TMPRSS6: variants seen among roughly 807,000 people sequenced by gnomAD.
TMPRSS6 encodes transmembrane protease serine 6.
A neutral mutation model predicts 101.5 loss-of-function variants in TMPRSS6; 67 were observed. The observed-to-expected ratio is 0.66, with a 90% confidence interval of 0.54 to 0.81. The LOEUF is 0.81. TMPRSS6 is among the 30% of genes least tolerant of loss of function. TMPRSS6 has a pLI of 0.00. For missense variants in TMPRSS6, 1,034 were observed against 1,088.7 expected (o/e 0.95, Z 0.71); for synonymous variants, 453 against 464.9 (o/e 0.97, Z 0.33).
chr22:37,084,856 G>C lies in TMPRSS6; in HGVS notation c.974-17C>G. 1 of 1,547,526 alleles carries C rather than the reference G, an allele frequency of 6.5e-7. No individual in the cohort carries two copies. Among genetic ancestry groups the C allele is most frequent in the South Asian group, 1.2e-5 (1 of 84,022 alleles). On this transcript the variant is annotated splice_polypyrimidine_tract_variant and intron_variant, in intron 8 of 17. Coordinates refer to ENST00000676104, the MANE Select transcript of TMPRSS6 (RefSeq NM_001374504.1). ...CTTCACAGGCTGGACCAGGAGAGCAGCTGTTACACAGGGGTCCCCTGGCTG... is the reference window on the plus strand; with the variant it reads ...CTTCACAGGCTGGACCAGGAGAGCACCTGTTACACAGGGGTCCCCTGGCTG...
chr22:37,108,551 G>A lies in TMPRSS6; in HGVS notation c.-2+952C>T, dbSNP rs183969085. 4.5e-4 allele frequency among the ~76,000 whole-genome samples: 69 copies of A among 152,296 alleles called. 1 individual carries two copies. The highest frequency in any genetic ancestry group is 1.6e-3 in the African/African-American group (65 of 41,554). On this transcript the variant is annotated intron_variant, in intron 1 of 17. Coordinates refer to ENST00000676104, the MANE Select transcript of TMPRSS6 (RefSeq NM_001374504.1). Reference sequence around the variant, plus strand: ...GCCCTTCTGGCCATTGGAGGGTCTCGGGTCTGCCTGCTGGAGGCTGAGCTC... The same window carrying A: ...GCCCTTCTGGCCATTGGAGGGTCTCAGGTCTGCCTGCTGGAGGCTGAGCTC...
intron 16 of TMPRSS6, 147 bp from the exon 17 acceptor site, chr22:37,067,109 C>T: frequency 8.5e-7 from 1 of 1,173,344 alleles, no homozygotes; most frequent in South Asian, 1.3e-5. Flanking sequence ...GCACCTGCCC[C>T]TCTGCCTCCC....
chr22:37,080,687 G>T (rs1307263559), intron 10 of TMPRSS6, among the ~76,000 whole-genome samples: 1 of 152,238 alleles, frequency 6.6e-6, no homozygotes, highest in Non-Finnish European at 1.5e-5. Context: ...AGGAGTCTGC[G>T]GGGAGGGGAC....
chr22:37,078,957 GAGAAAGAAAGAAAGAA>G (rs1358534817), intron 10 of TMPRSS6, among the ~76,000 whole-genome samples: 2,010 of 102,956 alleles, frequency 0.02, 13 homozygotes, highest in Non-Finnish European at 0.03. Flanking sequence ...AGGAGAAAAA[GAGAAAGAAAGAAAGAA>G]AAAGAAAGAA....
At chr22:37,071,195 C>T (rs139512621) in intron 13 of TMPRSS6, among the ~76,000 whole-genome samples, 163 bp from the exon 14 acceptor site, 115 of 151,878 alleles carry the variant, frequency 7.6e-4, no homozygotes, top group African/African-American at 2.5e-3. Context: ...CAGGCCATGT[C>T]CCCCCGCCCC....
Position 37,078,973 on chromosome 22 carries a change from A to AAAAG in TMPRSS6, c.1197-3697_1197-3694dup, listed in dbSNP as rs71193296. ...GGAGAAAAAGAGAAAGAAAGAAAGAAAAAGAAAGAAAGAAAGAAAGAAAGA... is the reference window on the plus strand; with the variant it reads ...GGAGAAAAAGAGAAAGAAAGAAAGAAAAAGAAAGAAAGAAAGAAAGAAAGAAAGA... On this transcript the variant is annotated intron_variant, in intron 10 of 17. Transcript: ENST00000676104. 7.4e-3 allele frequency among the ~76,000 whole-genome samples: 793 copies of AAAAG among 106,568 alleles called. 12 individuals carry two copies. Among genetic ancestry groups the AAAAG allele is most frequent in the Middle Eastern group, 0.012 (3 of 246 alleles). The allele number at this position is 106,568 out of a possible 152,430, so 69.9% of individuals were successfully genotyped here.
intron 3 of TMPRSS6, 92 bp from the exon 4 acceptor site, chr22:37,096,807 G>A (rs1929806491): frequency 2.4e-6 from 3 of 1,252,468 alleles, no homozygotes; most frequent in Admixed American, 2.0e-5. Flanking sequence ...CCTACTGGCA[G>A]CCCCGCTCCA....
At chr22:37,071,698 TGTTGGTCA>T (rs1201290378) in intron 13 of TMPRSS6, among the ~76,000 whole-genome samples, 10 of 152,182 alleles carry the variant, frequency 6.6e-5, no homozygotes, top group African/African-American at 1.9e-4. Context: ...AGCCTGCAAG[TGTTGGTCA>T]GTTGGTCAGT....
rs1930314416 is a variant in TMPRSS6, at chr22:37,101,570, C to T, written c.202+1646G>A. Among the ~76,000 whole-genome samples, 1 of 152,082 alleles carries T rather than the reference C, an allele frequency of 6.6e-6. No homozygotes were observed. The highest frequency in any genetic ancestry group is 2.4e-5 in the African/African-American group (1 of 41,390). On this transcript the variant is annotated intron_variant, in intron 2 of 17. Coordinates refer to ENST00000676104, the MANE Select transcript of TMPRSS6 (RefSeq NM_001374504.1). This position sits in a 1 kb window ranked among gnomAD's most constrained non-coding sequence, Gnocchi z 4.1. ...TGCCCAGCGCCCAGTCCCAGGAGCACAGCCTGGTCAAGGCGGGAGGAGTCT... is the reference window on the plus strand; with the variant it reads ...TGCCCAGCGCCCAGTCCCAGGAGCATAGCCTGGTCAAGGCGGGAGGAGTCT...
intron 16 of TMPRSS6, 46 bp from the exon 17 acceptor site, chr22:37,067,008 C>A (rs368720936): frequency 1.5e-5 from 25 of 1,613,240 alleles, no homozygotes; most frequent in Non-Finnish European, 2.0e-5. Context: ...AGCCTGGAGC[C>A]CCTGTTCTCT....
Position 37,103,346 on chromosome 22 carries a change from C to T in TMPRSS6, c.72G>A (p.Pro24=), listed in dbSNP as rs11704654. The T allele has an allele frequency of 0.19, 304,803 of 1,614,092 alleles. 29,924 individuals are homozygous for T. The highest frequency in any genetic ancestry group is 0.2 in the Non-Finnish European group (240,570 of 1,179,984). ...GDGGDGEEAE[P]EGMFKACEDS... ...CCTCACAGGCCTTGAACATCCCCTCCGGCTCCGCTTCCTCGCCATCACCTC... is the reference window on the plus strand; with the variant it reads ...CCTCACAGGCCTTGAACATCCCCTCTGGCTCCGCTTCCTCGCCATCACCTC... Residue 24 remains proline, a synonymous_variant, in exon 2 of 18, where the codon CCG becomes CCA. Transcript: ENST00000676104. The surrounding 1 kb of genome is among the most constrained non-coding windows in gnomAD (Gnocchi z 4.4).
At chr22:37,089,898 G>C (rs548738290) in intron 6 of TMPRSS6, 116 bp from the exon 7 acceptor site, 1 of 991,984 alleles carries the variant, frequency 1.0e-6, no homozygotes, top group African/African-American at 1.6e-5. Context: ...CAGGGGAGCC[G>C]GGTGGGGATA....
Position 37,066,091 on chromosome 22 carries a change from C to T in TMPRSS6, c.2398G>A (p.Val800Met), listed in dbSNP as rs747802959. The T allele has an allele frequency of 1.2e-6, 2 of 1,613,640 alleles. No individual in the cohort carries two copies. The highest frequency in any genetic ancestry group is 3.3e-5 in the Admixed American group (2 of 60,032). ...AGGGGGGCAGTTCCTCAGGTCACCA[C>T]TTGCTGGATCCAGCTGATCACACCT... ...ITGVISWIQQ[V>M]VT The change falls in exon 18 of 18, where the codon GTG becomes ATG. Residue 800 changes from valine to methionine, a missense_variant. By Grantham distance (21) the Val-to-Met change is conservative (BLOSUM62 1). Coordinates refer to ENST00000676104, the MANE Select transcript of TMPRSS6 (RefSeq NM_001374504.1).
intron 6 of TMPRSS6, 31 bp downstream of exon 6, chr22:37,095,520 A>G: frequency 1.2e-6 from 2 of 1,612,098 alleles, no homozygotes; most frequent in South Asian, 1.1e-5. Flanking sequence ...ACTCAAAAGG[A>G]AAATGGGGAG....
At chr22:37,093,591 C>T (rs1425817145) in intron 6 of TMPRSS6, among the ~76,000 whole-genome samples, 5 of 149,682 alleles carry the variant, frequency 3.3e-5, no homozygotes, top group Non-Finnish European at 7.4e-5. Context: ...TTAGAAGAGA[C>T]GGGGTTTCGC....
In TMPRSS6 at chr22:37,069,140, C is replaced by T; in HGVS notation, c.2046G>A (p.Ala682=). Residue 682 remains alanine (A), a synonymous_variant, in exon 16 of 18, where the codon GCG becomes GCA. Transcript: ENST00000676104. This position sits in a 1 kb window ranked among gnomAD's most constrained non-coding sequence, Gnocchi z 4.8. The part of the protein sequence containing the change: ...SAAVRPVCLP[A]RSHFFEPGLH... ...GGCCGGGCTCGAAGAAGTGGGAGCG[C>T]GCGGGCAGGCAGACGGGGCGCACGG... is the stretch of plus-strand genomic sequence containing the variant. 1.9e-6 allele frequency: 3 copies of T among 1,570,604 alleles called. No individual in the cohort carries two copies. Among genetic ancestry groups the T allele is most frequent in the Non-Finnish European group, 2.6e-6 (3 of 1,159,746 alleles).
At chr22:37,098,661 G>T in intron 2 of TMPRSS6, 112 bp from the exon 3 acceptor site, 1 of 1,404,688 alleles carries the variant, frequency 7.1e-7, no homozygotes, top group Non-Finnish European at 1.0e-6. Flanking sequence ...CAGTGTCTTG[G>T]GTCTCCATGG....
rs555668118 is a variant in TMPRSS6, at chr22:37,076,427, C to T, written c.1197-1147G>A. On this transcript the variant is annotated intron_variant, in intron 10 of 17. Transcript: ENST00000676104. ...CACATCCCTGCTGGACAACACCGCC[C>T]CTGCACCCCTGCCATACCACCACCA... 3.4e-3 allele frequency among the ~76,000 whole-genome samples: 520 copies of T among 152,314 alleles called. 5 individuals carry two copies. The highest frequency in any genetic ancestry group is 0.012 in the African/African-American group (501 of 41,570).
chr22:37,070,541 C>G lies in TMPRSS6; in HGVS notation c.1784G>C (p.Gly595Ala), dbSNP rs372124581. ...LQVRGRHICG[G>A]ALIADRWVIT... ...CACCCAGCGGTCAGCGATGAGGGCCCCCCCACAGATGTGTCGACCCCGAAC... is the reference window on the plus strand; with the variant it reads ...CACCCAGCGGTCAGCGATGAGGGCCGCCCCACAGATGTGTCGACCCCGAAC... The change falls in exon 15 of 18, where the codon GGG becomes GCG. Residue 595 changes from glycine (G) to alanine (A), a missense_variant. Coordinates refer to ENST00000676104, the MANE Select transcript of TMPRSS6 (RefSeq NM_001374504.1). 13 of 1,613,314 alleles carry G rather than the reference C, an allele frequency of 8.1e-6. No individual in the cohort carries two copies. Among genetic ancestry groups the G allele is most frequent in the Non-Finnish European group, 1.0e-5 (12 of 1,180,042 alleles).
Sources: allele counts gnomAD v4.1 joint callset (sites outside exome capture counted in the v4.1 genomes callset), GRCh38; gene constraint gnomAD v4.1.1; non-coding constraint Gnocchi (gnomAD v3.1); transcripts MANE v1.5; gene names NCBI Gene and HGNC (gene_info 2026-07-23, HGNC 2026-07-21).